RPH3AL: variants seen among roughly 807,000 people sequenced by gnomAD.
The protein encoded by RPH3AL is rabphilin 3A like (without C2 domains).
In RPH3AL, 38 loss-of-function variants were observed where a neutral mutation model predicts 43.1. That is an observed-to-expected ratio of 0.88 (90% CI 0.68 to 1.15). The LOEUF (loss-of-function observed/expected upper bound fraction) is 1.15. RPH3AL is among the 50% of genes most tolerant of loss of function. The probability of loss-of-function intolerance (pLI) is 0.00; values close to 1 mark genes in which losing one functional copy is unlikely to be tolerated. For missense variants in RPH3AL, 462 were observed against 423.2 expected (o/e 1.09, Z -0.81); for synonymous variants, 189 against 176.3 (o/e 1.07, Z -0.57).
chr17:226,263 C>T (rs938515398), intron 7 of RPH3AL, among the ~76,000 whole-genome samples: 1 of 152,144 alleles, frequency 6.6e-6, no homozygotes, highest in Non-Finnish European at 1.5e-5. Context: ...GCCAACTGAG[C>T]TCACACAGGT....
chr17:216,262 C>T (rs940126849), intron 8 of RPH3AL, among the ~76,000 whole-genome samples: 11 of 152,146 alleles, frequency 7.2e-5, no homozygotes, highest in African/African-American at 2.7e-4. Flanking sequence ...GGCTGCAGGG[C>T]TCTGGCCCGA....
chr17:316,749 C>CT (rs2044231891), intron 5 of RPH3AL, among the ~76,000 whole-genome samples: 1 of 73,538 alleles, frequency 1.4e-5, no homozygotes, highest in African/African-American at 5.6e-5. Context: ...AGTCCATGTG[C>CT]CCCACCTCCA....
Position 245,900 on chromosome 17 carries a change from G to A in RPH3AL, c.613+1211C>T, listed in dbSNP as rs951346878. On this transcript the variant is annotated intron_variant, in intron 7 of 9. Transcript: ENST00000331302. The surrounding 1 kb of genome is among the most constrained non-coding windows in gnomAD (Gnocchi z 5.9). ...AATGTCTGTCCGTGGCAGCGATGTC[G>A]GGGGTGAACTCATAGGCAGCAGAGG... Among the ~76,000 whole-genome samples, 5 of 152,100 alleles carry A rather than the reference G, an allele frequency of 3.3e-5. No individual in the cohort carries two copies. The highest frequency in any genetic ancestry group is 1.9e-4 in the East Asian group (1 of 5,182).
intron 7 of RPH3AL, among the ~76,000 whole-genome samples, chr17:241,422 G>T (rs1483949994): frequency 6.6e-6 from 1 of 152,156 alleles, no homozygotes; most frequent in African/African-American, 2.4e-5. Flanking sequence ...AAAAAACCTA[G>T]AAATTGATTT....
At chr17:261,339 G>A (rs782805405) in intron 6 of RPH3AL, among the ~76,000 whole-genome samples, 4 of 152,222 alleles carry the variant, frequency 2.6e-5, no homozygotes, top group African/African-American at 4.8e-5. Flanking sequence ...GACACCAGGA[G>A]AATGTGCTTC....
In RPH3AL at chr17:246,963, G is replaced by C; in HGVS notation, c.613+148C>G. ...CGCTGCTCACTCGGGAGAAGGTGTG[G>C]AGCTGAGGGCACAGGGAGGGACGCA... On this transcript the variant is annotated intron_variant, in intron 7 of 9. Transcript: ENST00000331302. The surrounding 1 kb of genome is among the most constrained non-coding windows in gnomAD (Gnocchi z 4.8). The C allele has an allele frequency of 3.5e-6, 3 of 850,392 alleles. No homozygotes were observed. The highest frequency in any genetic ancestry group is 5.8e-6 in the Non-Finnish European group (3 of 520,804). The allele number at this position is 850,392 out of a possible 1,614,324, so 52.7% of individuals were successfully genotyped here. A position where few individuals can be genotyped will look rare whatever the true frequency, so the allele number is the denominator to read the frequency against.
intron 7 of RPH3AL, among the ~76,000 whole-genome samples, chr17:241,312 C>G (rs991393988): frequency 1.3e-5 from 2 of 152,018 alleles, no homozygotes; most frequent in Non-Finnish European, 2.9e-5. Context: ...AGGAGGATCA[C>G]GTGAGCCCAG....
Position 269,100 on chromosome 17 carries a change from G to C in RPH3AL, c.438+12668C>G, listed in dbSNP as rs573609353. Among the ~76,000 whole-genome samples, 94 of 152,206 alleles carry C rather than the reference G, an allele frequency of 6.2e-4. No individual in the cohort carries two copies. In the South Asian group the frequency reaches 0.016, roughly 27 times the overall value. On this transcript the variant is annotated intron_variant, in intron 6 of 9. Coordinates refer to ENST00000331302, the MANE Select transcript of RPH3AL (RefSeq NM_006987.4). ...TCACCGTGTTAGCCAGGATGGTCTC[G>C]ATCTCCTGACCTCATAATCCGCCCG...
At chr17:326,962 T>G (rs543424514) in intron 3 of RPH3AL, among the ~76,000 whole-genome samples, 14 of 152,328 alleles carry the variant, frequency 9.2e-5, no homozygotes, top group African/African-American at 3.4e-4. Context: ...TTGGGGCTGG[T>G]TGTGCTTCAG....
In RPH3AL at chr17:346,223, T is replaced by A. The variant is rs560014778; in HGVS notation, c.-213+6489A>T. On this transcript the variant is annotated intron_variant, in intron 1 of 9. Transcript: ENST00000331302. ...AAGCATAAGCTCTTAACCACAAGCATAGTCCAACTTCTCAACACTTCATAG... is the reference window on the plus strand; with the variant it reads ...AAGCATAAGCTCTTAACCACAAGCAAAGTCCAACTTCTCAACACTTCATAG... Among the ~76,000 whole-genome samples the A allele has an allele frequency of 3.4e-3, 461 of 135,068 alleles. 62 individuals carry two copies. Among genetic ancestry groups the A allele is most frequent in the African/African-American group, 0.011 (426 of 39,436 alleles). 88.6% of individuals were successfully genotyped at this position (135,068 alleles called of 152,430 possible).
intron 6 of RPH3AL, among the ~76,000 whole-genome samples, chr17:252,418 A>G (rs7223759): frequency 0.28 from 41,836 of 152,066 alleles, 6,110 homozygotes; most frequent in Middle Eastern, 0.33. Context: ...TTCTTACACC[A>G]TTGCCTGGGA....
chr17:303,598 T>C (rs28590471), intron 5 of RPH3AL, among the ~76,000 whole-genome samples: 118 of 7,242 alleles, frequency 0.016, 12 homozygotes, highest in African/African-American at 0.029. Flanking sequence ...GTGACCGTGT[T>C]TCAGGAAAGA....
chr17:230,636 G>C (rs1567567270), intron 7 of RPH3AL, among the ~76,000 whole-genome samples: 2 of 152,212 alleles, frequency 1.3e-5, no homozygotes, highest in African/African-American at 4.8e-5. Flanking sequence ...GCCTGGTCTG[G>C]GTTGGGTGTG....
At chr17:263,021 A>G (rs2042236993) in intron 6 of RPH3AL, among the ~76,000 whole-genome samples, 1 of 152,206 alleles carries the variant, frequency 6.6e-6, no homozygotes, top group Admixed American at 6.5e-5. Flanking sequence ...CAATGACATT[A>G]GCCTCTTTGT....
intron 6 of RPH3AL, among the ~76,000 whole-genome samples, chr17:258,575 G>A (rs1555545221): frequency 1.3e-5 from 2 of 152,032 alleles, no homozygotes. Flanking sequence ...GCCTCCCCTG[G>A]CATATCCCAG....
At position 245,661 on chromosome 17, in the gene RPH3AL, C is replaced by T. The variant is rs537214867; in HGVS notation, c.613+1450G>A. Reference sequence around the variant, plus strand: ...CTGTCTGAGGGACATGGACAGATCTCGAGGGCTCAGCAGGAGAAGGTCTGA... The same window carrying T: ...CTGTCTGAGGGACATGGACAGATCTTGAGGGCTCAGCAGGAGAAGGTCTGA... On this transcript the variant is annotated intron_variant, in intron 7 of 9. Coordinates refer to ENST00000331302, the MANE Select transcript of RPH3AL (RefSeq NM_006987.4). The surrounding 1 kb of genome is among the most constrained non-coding windows in gnomAD (Gnocchi z 5.9). Among the ~76,000 whole-genome samples the T allele has an allele frequency of 4.4e-4, 67 of 152,038 alleles. No individual in the cohort carries two copies. The highest frequency in any genetic ancestry group is 9.3e-4 in the Non-Finnish European group (63 of 68,008).
chr17:337,835 C>A (rs2045002762), intron 1 of RPH3AL, among the ~76,000 whole-genome samples: 1 of 152,224 alleles, frequency 6.6e-6, no homozygotes, highest in Admixed American at 6.5e-5. Flanking sequence ...TCACTTAATC[C>A]TGTGGGTCTT....
intron 1 of RPH3AL, among the ~76,000 whole-genome samples, chr17:338,216 C>A (rs541768277): frequency 6.6e-6 from 1 of 152,132 alleles, no homozygotes; most frequent in South Asian, 2.1e-4. Flanking sequence ...AACCCCAGCA[C>A]TTTGGGAAGC....
chr17:319,779 A>T (rs1184465510), intron 4 of RPH3AL, among the ~76,000 whole-genome samples: 2 of 148,484 alleles, frequency 1.3e-5, no homozygotes, highest in Non-Finnish European at 3.0e-5. Flanking sequence ...AGCCAGAGAC[A>T]GACATGGTCC....
Sources: gnomAD v4.1 joint callset for allele counts (sites outside exome capture counted in the v4.1 genomes callset) on GRCh38, gnomAD v4.1.1 for gene constraint, Gnocchi (gnomAD v3.1) non-coding constraint, MANE v1.5 for transcripts, NCBI Gene and HGNC (gene_info 2026-07-23, HGNC 2026-07-21) for gene names.